The following AQR variants were observed in gnomAD, a reference collection of about 807,000 sequenced individuals.
AQR encodes aquarius intron-binding spliceosomal factor.
Under a neutral mutation model 180.5 loss-of-function variants are expected in AQR, and 61 were observed. The ratio of observed to expected loss-of-function variants is 0.34; its 90% CI spans 0.28 to 0.42. The LOEUF (loss-of-function observed/expected upper bound fraction) is 0.42, where lower values mean the gene tolerates loss of function less well. Ranked by LOEUF, AQR falls within the 10% of genes least tolerant of loss-of-function variation. The probability of loss-of-function intolerance (pLI) is 1.00; values close to 1 mark genes in which losing one functional copy is unlikely to be tolerated. For synonymous variants in AQR, 551 were observed against 588.8 expected, an observed-to-expected ratio of 0.94 and a Z score of 0.93; for missense variants, 1,281 against 1,798.3, an observed-to-expected ratio of 0.71 and a Z score of 5.20.
At chr15:34,920,303 T>G (rs971216894) in intron 14 of AQR, 29 bp downstream of exon 14, 1 of 1,530,860 alleles carries the variant, frequency 6.5e-7, no homozygotes, top group Non-Finnish European at 9.0e-7. Flanking sequence ...GAAAACCACA[T>G]GCAAAATTCA....
At chr15:34,938,703 AT>A in intron 9 of AQR, 33 bp downstream of exon 9, 2 of 1,341,774 alleles carry the variant, frequency 1.5e-6, no homozygotes, top group South Asian at 2.5e-5. Context: ...CTATATGATA[AT>A]TTCACAAATG....
In AQR at chr15:34,932,444, A is replaced by G. The variant is rs185590083; in HGVS notation, c.784-10T>C. On this transcript the variant is annotated splice_polypyrimidine_tract_variant and intron_variant, in intron 10 of 34. Coordinates refer to ENST00000156471, the MANE Select transcript of AQR (RefSeq NM_014691.3). The stretch of plus-strand genomic sequence containing the variant: ...TTGTGGGTAGCAGGGCCTGGGAAAA[A>G]CAAACATCATAACAGTAAGTTTGCA... 2 of 1,548,752 alleles carry G rather than the reference A, an allele frequency of 1.3e-6. No individual in the cohort carries two copies. The highest frequency in any genetic ancestry group is 4.5e-5 in the East Asian group (2 of 44,400).
intron 28 of AQR, among the ~76,000 whole-genome samples, chr15:34,875,068 G>A (rs1219755802): frequency 6.6e-6 from 1 of 152,056 alleles, no homozygotes; most frequent in Non-Finnish European, 1.5e-5. Context: ...GGTGACAGTG[G>A]GTGAGGGAGA....
In AQR at chr15:34,907,832, T is replaced by A. The variant is rs542116735; in HGVS notation, c.1664-1120A>T. Reference sequence around the variant, plus strand: ...AGAAGTGGTCCTGAGAAGTCATTTATCCTCTCCCAAGATAGGAGTTACTTT... The same window carrying A: ...AGAAGTGGTCCTGAGAAGTCATTTAACCTCTCCCAAGATAGGAGTTACTTT... On this transcript the variant is annotated intron_variant, in intron 17 of 34. Coordinates refer to ENST00000156471, the MANE Select transcript of AQR (RefSeq NM_014691.3). Among the ~76,000 whole-genome samples the A allele has an allele frequency of 2.6e-5, 4 of 152,348 alleles. No homozygotes were observed. The South Asian group carries it at 8.3e-4, about 32-fold the overall frequency.
At chr15:34,964,172 G>A (rs532583020) in intron 2 of AQR, 62 bp downstream of exon 2, 3 of 1,141,166 alleles carry the variant, frequency 2.6e-6, no homozygotes, top group Non-Finnish European at 3.8e-6. Flanking sequence ...AGCTTTTGTT[G>A]AAATAACCCT....
At chr15:34,875,859 A>C in intron 28 of AQR, 76 bp downstream of exon 28, 1 of 1,177,542 alleles carries the variant, frequency 8.5e-7, no homozygotes, top group Non-Finnish European at 1.3e-6. Context: ...GCACACCCAA[A>C]CTGTACAACT....
Position 34,896,814 on chromosome 15 carries a change from A to C in AQR, c.2460+83T>G, listed in dbSNP as rs563652055. ...CAGTGAGCTGAGATCGCGCCACTGCACTCCGGCATGGGCAACAAAAGTGAA... is the reference window on the plus strand; with the variant it reads ...CAGTGAGCTGAGATCGCGCCACTGCCCTCCGGCATGGGCAACAAAAGTGAA... On this transcript the variant is annotated intron_variant, in intron 22 of 34. Transcript: ENST00000156471. The C allele has an allele frequency of 1.5e-4, 183 of 1,234,054 alleles. No individual in the cohort carries two copies. In the African/African-American group the frequency reaches 2.5e-3, roughly 17 times the overall value. 76.4% of individuals were successfully genotyped at this position (1,234,054 alleles called of 1,614,324 possible).
At chr15:34,900,574 C>G in intron 20 of AQR, 48 bp downstream of exon 20, 1 of 1,579,544 alleles carries the variant, frequency 6.3e-7, no homozygotes, top group Non-Finnish European at 8.6e-7. Flanking sequence ...GCATAACGTA[C>G]ATTGACTACA....
At chr15:34,964,083 C>A (rs2050296843) in intron 2 of AQR, 151 bp downstream of exon 2, 1 of 620,786 alleles carries the variant, frequency 1.6e-6, no homozygotes, top group African/African-American at 1.9e-5. Context: ...TAACATAAAT[C>A]ATTGCTAAGT....
chr15:34,877,276 CCTT>C (rs755921745), intron 27 of AQR, among the ~76,000 whole-genome samples: 1 of 152,140 alleles, frequency 6.6e-6, no homozygotes. Context: ...TGGTACAATA[CCTT>C]CTTCTTGAAT....
chr15:34,886,678 G>A lies in AQR; in HGVS notation c.2682-17C>T. The A allele has an allele frequency of 6.3e-7, 1 of 1,586,602 alleles. No homozygotes were observed. Reference sequence around the variant, plus strand: ...CTTCCATACCTAGACATTTCAATTAGGCAAAATGACAAAACTGTAATAAAG... The same window carrying A: ...CTTCCATACCTAGACATTTCAATTAAGCAAAATGACAAAACTGTAATAAAG... On this transcript the variant is annotated splice_polypyrimidine_tract_variant and intron_variant, in intron 24 of 34. Coordinates refer to ENST00000156471, the MANE Select transcript of AQR (RefSeq NM_014691.3).
intron 26 of AQR, 23 bp from the exon 27 acceptor site, chr15:34,882,662 A>G (rs1892992332): frequency 1.3e-6 from 2 of 1,588,446 alleles, no homozygotes; most frequent in Non-Finnish European, 1.7e-6. Flanking sequence ...GGAGCAATGA[A>G]AGATAATTTT....
intron 22 of AQR, among the ~76,000 whole-genome samples, 182 bp downstream of exon 22, chr15:34,896,715 G>A (rs918661875): frequency 6.6e-6 from 1 of 152,156 alleles, no homozygotes; most frequent in Non-Finnish European, 1.5e-5. Context: ...CAGGCATGGT[G>A]GCGGGTACCT....
At chr15:34,891,574 T>C (rs971273121) in intron 23 of AQR, among the ~76,000 whole-genome samples, 1 of 152,176 alleles carries the variant, frequency 6.6e-6, no homozygotes, top group African/African-American at 2.4e-5. Flanking sequence ...CAAATTAATC[T>C]TTTCAATGAT....
chr15:34,957,562 G>T (rs1436294603), intron 3 of AQR, among the ~76,000 whole-genome samples: 1 of 151,158 alleles, frequency 6.6e-6, no homozygotes, highest in South Asian at 2.1e-4. Context: ...TTAGCCAGGC[G>T]TGGTGGAGCA....
chr15:34,944,713 G>A (rs1368143069), intron 5 of AQR, among the ~76,000 whole-genome samples: 1 of 152,074 alleles, frequency 6.6e-6, no homozygotes, highest in Admixed American at 6.5e-5. Context: ...ATTTAGCTTA[G>A]GCTTTGTTTT....
chr15:34,895,743 T>G lies in AQR; in HGVS notation c.2460+1154A>C, dbSNP rs190787286. 1.4e-3 allele frequency among the ~76,000 whole-genome samples: 218 copies of G among 152,106 alleles called. 3 individuals are homozygous for G. The highest frequency in any genetic ancestry group is 4.8e-3 in the African/African-American group (200 of 41,502). The stretch of plus-strand genomic sequence containing the variant: ...AGAACTAAAGGAGAAATAGACAAAT[T>G]CATAATTACAGTGAGAGACTTCAAT... On this transcript the variant is annotated intron_variant, in intron 22 of 34. Coordinates refer to ENST00000156471, the MANE Select transcript of AQR (RefSeq NM_014691.3).
intron 17 of AQR, among the ~76,000 whole-genome samples, chr15:34,908,458 G>A (rs1203201700): frequency 1.3e-5 from 2 of 151,762 alleles, no homozygotes; most frequent in African/African-American, 4.8e-5. Context: ...ATGTATTATT[G>A]TTTACAGAAT....
At chr15:34,959,521 C>G (rs1203595971) in intron 3 of AQR, among the ~76,000 whole-genome samples, 4 of 152,102 alleles carry the variant, frequency 2.6e-5, no homozygotes, top group Non-Finnish European at 5.9e-5. Context: ...TATTCCATAT[C>G]TCCATCTTCA....
Sources: gnomAD v4.1 joint callset for allele counts (sites outside exome capture counted in the v4.1 genomes callset) on GRCh38, gnomAD v4.1.1 for gene constraint, MANE v1.5 for transcripts, NCBI Gene and HGNC (gene_info 2026-07-23, HGNC 2026-07-21) for gene names.